The following RUNX1T1 variants were observed in gnomAD, a reference collection of about 807,000 sequenced individuals.
The protein encoded by RUNX1T1 is protein CBFA2T1.
Under a neutral mutation model 62.8 loss-of-function variants are expected in RUNX1T1, and 4 were observed. That is an observed-to-expected ratio of 0.06 (90% CI 0.03 to 0.15). The LOEUF (loss-of-function observed/expected upper bound fraction) is 0.15, where lower values mean the gene tolerates loss of function less well. Among genes scored for constraint, RUNX1T1 ranks in the 10% least tolerant of loss-of-function variants. The pLI is 1.00. For synonymous variants in RUNX1T1, 291 were observed against 286.0 expected (o/e 1.02, Z -0.18); for missense variants, 508 against 754.3 (o/e 0.67, Z 3.82).
intron 1 of RUNX1T1, among the ~76,000 whole-genome samples, chr8:92,037,677 A>C (rs915456677): frequency 2.0e-5 from 3 of 151,794 alleles, no homozygotes; most frequent in Admixed American, 6.6e-5. Context: ...AATCCATCTC[A>C]AAAAAAATAA....
intron 9 of RUNX1T1, among the ~76,000 whole-genome samples, chr8:91,973,571 T>C (rs1026496113): frequency 2.6e-5 from 4 of 152,064 alleles, no homozygotes; most frequent in African/African-American, 9.6e-5. Flanking sequence ...ACAAAGATAA[T>C]GTATAATAAT....
intron 9 of RUNX1T1, chr8:91,971,242 C>A (rs1812765952): frequency 6.4e-6 from 1 of 156,352 alleles, no homozygotes; most frequent in Non-Finnish European, 1.4e-5. Flanking sequence ...TTTAACCAAA[C>A]TAATGCCTCC....
intron 1 of RUNX1T1, among the ~76,000 whole-genome samples, chr8:92,091,089 A>G (rs1274403024): frequency 2.0e-5 from 3 of 152,160 alleles, no homozygotes; most frequent in Non-Finnish European, 2.9e-5. Flanking sequence ...AGTCAATCAC[A>G]TTCCCCAAGG....
At chr8:91,977,567 G>A (rs957847778) in intron 8 of RUNX1T1, 1 of 188,732 alleles carries the variant, frequency 5.3e-6, no homozygotes, top group Non-Finnish European at 1.1e-5. Context: ...GTGCAATCAA[G>A]TTCATATTTA....
upstream of RUNX1T1, among the ~76,000 whole-genome samples, chr8:92,065,239 T>C (rs1832702777): frequency 1.3e-5 from 2 of 152,286 alleles, no homozygotes; most frequent in African/African-American, 4.8e-5. Flanking sequence ...CCAAATTGTA[T>C]AATAAAAATA....
upstream of RUNX1T1, among the ~76,000 whole-genome samples, chr8:92,101,841 C>G (rs1322410978): frequency 6.6e-6 from 1 of 152,194 alleles, no homozygotes; most frequent in Non-Finnish European, 1.5e-5. Context: ...CCAGGTCCCC[C>G]CCGGGAAAGA....
At chr8:92,066,899 G>C (rs1353973484), upstream of RUNX1T1, among the ~76,000 whole-genome samples, 1 of 152,164 alleles carries the variant, frequency 6.6e-6, no homozygotes, top group Non-Finnish European at 1.5e-5. Flanking sequence ...TGTCATTTTA[G>C]CTCCCTTACA....
chr8:92,077,732 TTAA>T (rs955345898), intron 1 of RUNX1T1, among the ~76,000 whole-genome samples: 1 of 152,060 alleles, frequency 6.6e-6, no homozygotes, highest in African/African-American at 2.4e-5. Context: ...TGAGCCATAG[TTAA>T]TAATCTCTAC....
At chr8:91,957,126 A>G (rs1439061113), downstream of RUNX1T1, 1 of 215,386 alleles carries the variant, frequency 4.6e-6, no homozygotes, top group African/African-American at 2.3e-5. Flanking sequence ...ATTCTATCCA[A>G]TGAAGATAAC....
chr8:92,090,012 G>C (rs1358636895), intron 1 of RUNX1T1, among the ~76,000 whole-genome samples: 1 of 144,610 alleles, frequency 6.9e-6, no homozygotes, highest in Non-Finnish European at 1.5e-5. Flanking sequence ...GTATCACACA[G>C]AGACTTGTCC....
intron 1 of RUNX1T1, among the ~76,000 whole-genome samples, chr8:92,032,657 G>T (rs1464868547): frequency 3.9e-5 from 6 of 152,264 alleles, no homozygotes; most frequent in Non-Finnish European, 4.4e-5. Context: ...GCTCAATTCT[G>T]TAAACCCAGT....
intron 1 of RUNX1T1, among the ~76,000 whole-genome samples, chr8:92,044,464 C>A (rs10441534): frequency 6.6e-6 from 1 of 151,976 alleles, no homozygotes; most frequent in African/African-American, 2.4e-5. Flanking sequence ...GGGTATAAGT[C>A]TGTTGTGTCT....
chr8:91,993,321 C>T (rs949555711), intron 5 of RUNX1T1, among the ~76,000 whole-genome samples: 4 of 152,072 alleles, frequency 2.6e-5, no homozygotes, highest in East Asian at 3.9e-4. Flanking sequence ...TTAGGGTGGG[C>T]GCCCCAGTGA....
At chr8:91,968,481 T>C (rs1812107154) in intron 10 of RUNX1T1, among the ~76,000 whole-genome samples, 1 of 152,142 alleles carries the variant, frequency 6.6e-6, no homozygotes, top group African/African-American at 2.4e-5. Flanking sequence ...CACAAGGCAA[T>C]ATGGGCCTTA....
intron 5 of RUNX1T1, 50 bp downstream of exon 6, chr8:92,005,066 C>T (rs1342914771): frequency 6.8e-7 from 1 of 1,469,218 alleles, no homozygotes; most frequent in Admixed American, 2.3e-5. Flanking sequence ...CCTCATGCCA[C>T]AGGTATGGGA....
chr8:91,967,554 G>A (rs1298919929), intron 10 of RUNX1T1, among the ~76,000 whole-genome samples: 3 of 152,036 alleles, frequency 2.0e-5, no homozygotes, highest in South Asian at 2.1e-4. Context: ...CATTAGCTCC[G>A]TTTTATACAT....
chr8:92,031,548 T>C (rs963268348), intron 1 of RUNX1T1, among the ~76,000 whole-genome samples: 1 of 152,184 alleles, frequency 6.6e-6, no homozygotes, highest in South Asian at 2.1e-4. Context: ...CATAGCTCAC[T>C]GCAGCCTTGA....
upstream of RUNX1T1, among the ~76,000 whole-genome samples, chr8:92,067,883 C>T (rs1458011806): frequency 1.3e-5 from 2 of 152,092 alleles, no homozygotes; most frequent in Non-Finnish European, 1.5e-5. Context: ...TTATTTTCAA[C>T]GTCTAATATT....
chr8:91,984,541 T>G (rs556456447), intron 8 of RUNX1T1, among the ~76,000 whole-genome samples: 1 of 152,164 alleles, frequency 6.6e-6, no homozygotes, highest in Non-Finnish European at 1.5e-5. Context: ...GCCTAGCACA[T>G]TGCCTGGCAC....
Sources: allele counts gnomAD v4.1 joint callset (sites outside exome capture counted in the v4.1 genomes callset), GRCh38; gene constraint gnomAD v4.1.1; transcripts MANE v1.5; gene names NCBI Gene and HGNC (gene_info 2026-07-23, HGNC 2026-07-21).